DHRS12: variants seen among roughly 807,000 people sequenced by gnomAD.
DHRS12 encodes dehydrogenase/reductase SDR family member 12.
DHRS12 carries 29 observed loss-of-function variants against 32.1 expected under a neutral mutation model. That is an observed-to-expected ratio of 0.90 (90% CI 0.67 to 1.23). The LOEUF is 1.23. Ranked by LOEUF, DHRS12 falls within the 50% of genes most tolerant of loss-of-function variation. DHRS12 has a pLI of 0.00. For synonymous variants in DHRS12, 150 were observed against 135.9 expected, an observed-to-expected ratio of 1.10 and a Z score of -0.72; for missense variants, 330 against 337.2, an observed-to-expected ratio of 0.98 and a Z score of 0.17.
intron 8 of DHRS12, chr13:51,768,897 G>C (rs1405193570): frequency 1.5e-6 from 2 of 1,377,724 alleles, no homozygotes; most frequent in South Asian, 1.7e-5. Context: ...CCATTCCCAA[G>C]GTAGGAACTG....
the DHRS12 span, among the ~76,000 whole-genome samples, chr13:51,757,378 G>A: frequency 2.0e-5 from 3 of 151,952 alleles, no homozygotes; most frequent in Non-Finnish European, 4.4e-5. Context: ...TTACAGTTAA[G>A]CCTAAATCTT....
intron 1 of DHRS12, among the ~76,000 whole-genome samples, chr13:51,800,469 G>C (rs576786769): frequency 9.4e-4 from 143 of 152,358 alleles, no homozygotes; most frequent in African/African-American, 2.9e-3. Flanking sequence ...GGGTTGGCAG[G>C]TGGAGGCCCA....
At chr13:51,783,471 T>C (rs533190652) in intron 4 of DHRS12, among the ~76,000 whole-genome samples, 1 of 152,316 alleles carries the variant, frequency 6.6e-6, no homozygotes, top group East Asian at 1.9e-4. Flanking sequence ...TGATATAATA[T>C]ATATATAATG....
chr13:51,770,867 C>T, intron 7 of DHRS12: 2 of 1,113,278 alleles, frequency 1.8e-6, no homozygotes, highest in Non-Finnish European at 2.2e-6. Context: ...CAGCCCTGAA[C>T]AGATTTTGCA....
chr13:51,791,041 G>T (rs1379303248), intron 3 of DHRS12, 124 bp downstream of exon 3: 2 of 582,052 alleles, frequency 3.4e-6, no homozygotes, highest in Non-Finnish European at 5.7e-6. Flanking sequence ...ACAGGCCCAA[G>T]CATAAGAGAG....
rs1954763935 is a variant in DHRS12 at position 51,782,555 on chromosome 13, G to C, written c.302-5434C>G. 6.6e-6 allele frequency among the ~76,000 whole-genome samples: 1 copy of C among 152,172 alleles called. No homozygotes were observed. Among genetic ancestry groups the C allele is most frequent in the Non-Finnish European group, 1.5e-5 (1 of 68,028 alleles). On this transcript the variant is annotated intron_variant, in intron 4 of 8. Transcript: ENST00000444610. The surrounding 1 kb of genome is among the most constrained non-coding windows in gnomAD (Gnocchi z 4.2). ...AGCATGAGAGTGGCCAAAGGTCAGG[G>C]AGATAAGCCGACTGGAGTGAGCTGC...
chr13:51,756,683 C>A, the DHRS12 span: 2 of 978,736 alleles, frequency 2.0e-6, no homozygotes. Flanking sequence ...TCTCTGTGTT[C>A]TTTCTAATTT....
intron 4 of DHRS12, among the ~76,000 whole-genome samples, chr13:51,784,719 CCTGT>C (rs1276653545): frequency 1.3e-5 from 2 of 152,176 alleles, no homozygotes; most frequent in Non-Finnish European, 2.9e-5. Flanking sequence ...AAACGCGTGC[CCTGT>C]CTAAGGAAGC....
Position 51,769,316 on chromosome 13 carries a change from G to A in DHRS12, c.560-23C>T, listed in dbSNP as rs1953903837. The A allele has an allele frequency of 3.3e-6, 5 of 1,496,204 alleles. No individual in the cohort carries two copies. In the East Asian group the frequency reaches 7.3e-5, roughly 22 times the overall value. 92.7% of individuals were successfully genotyped at this position (1,496,204 alleles called of 1,614,324 possible). On this transcript the variant is annotated intron_variant, in intron 7 of 8. Transcript: ENST00000444610. ...CACCTGGGAGAAGGAAGGGTCAGGCGGATTAGGACAGCATTCTCCAGCAAA... is the reference window on the plus strand; with the variant it reads ...CACCTGGGAGAAGGAAGGGTCAGGCAGATTAGGACAGCATTCTCCAGCAAA...
intron 4 of DHRS12, among the ~76,000 whole-genome samples, chr13:51,784,078 G>A (rs185834615): frequency 1.4e-4 from 21 of 152,326 alleles, no homozygotes; most frequent in Non-Finnish European, 2.2e-4. Flanking sequence ...AAAGTAAGGC[G>A]TGGGGAGGTT....
chr13:51,781,219 A>G (rs1180370982), intron 4 of DHRS12, among the ~76,000 whole-genome samples: 1 of 152,246 alleles, frequency 6.6e-6, no homozygotes, highest in African/African-American at 2.4e-5. Flanking sequence ...ACAGAGTCCC[A>G]GAGGAAATGA....
intron 6 of DHRS12, among the ~76,000 whole-genome samples, chr13:51,773,335 G>A (rs1954130117): frequency 6.6e-6 from 1 of 152,158 alleles, no homozygotes; most frequent in Non-Finnish European, 1.5e-5. Flanking sequence ...ATAATGTTGT[G>A]CATGAAACAA....
chr13:51,769,184 G>A lies in DHRS12; in HGVS notation c.669C>T (p.Ala223=), dbSNP rs893393050. The A allele has an allele frequency of 4.5e-6, 7 of 1,555,242 alleles. No individual in the cohort carries two copies. The highest frequency in any genetic ancestry group is 1.4e-5 in the African/African-American group (1 of 73,348). The part of the protein sequence containing the change: ...MLWLALSSAA[A]AQPSGRFFQD... ...GAAAGAAGCGGCCGCTGGGCTGTGCGGCTGCGGCAGAGGAGAGGGCCAGCC... is the reference window on the plus strand; with the variant it reads ...GAAAGAAGCGGCCGCTGGGCTGTGCAGCTGCGGCAGAGGAGAGGGCCAGCC... Residue 223 remains alanine, a synonymous_variant, in exon 8 of 9, where the codon GCC becomes GCT. Transcript: ENST00000444610.
intron 4 of DHRS12, among the ~76,000 whole-genome samples, chr13:51,783,462 GATATA>G (rs1196944307): frequency 2.0e-5 from 3 of 152,120 alleles, no homozygotes; most frequent in Admixed American, 6.5e-5. Context: ...TTTTCTTGTT[GATATA>G]ATATATATAT....
chr13:51,776,716 C>A (rs1954425257), intron 5 of DHRS12, among the ~76,000 whole-genome samples: 1 of 152,190 alleles, frequency 6.6e-6, no homozygotes, highest in Admixed American at 6.5e-5. Context: ...CAGTCCCTTC[C>A]CCTCTGAGCA....
intron 2 of DHRS12, among the ~76,000 whole-genome samples, chr13:51,795,478 C>T (rs1190337077): frequency 1.3e-5 from 2 of 152,150 alleles, no homozygotes; most frequent in Admixed American, 6.5e-5. Context: ...CCTGAGCTTC[C>T]CATCTTGTAG....
chr13:51,765,883 A>AT (rs1953731319), downstream of DHRS12: 1 of 152,222 alleles, frequency 6.6e-6, no homozygotes. Context: ...CAAGTCAAGA[A>AT]GAGTATCTGA....
intron 4 of DHRS12, among the ~76,000 whole-genome samples, chr13:51,786,562 T>C (rs188442238): frequency 2.7e-4 from 41 of 152,312 alleles, no homozygotes; most frequent in African/African-American, 9.9e-4. Flanking sequence ...CAGCTCGCTT[T>C]TGTCCCTCAG....
At chr13:51,775,596 TGTATTCTCCTACA>T (rs770310848) in intron 5 of DHRS12, 75 of 5,544 alleles carry the variant, frequency 0.014, 3 homozygotes, top group South Asian at 0.037. Context: ...TTCTCCTACA[TGTATTCTCCTACA>T]GTATTCTCCT....
Sources: gnomAD v4.1 joint callset for allele counts (sites outside exome capture counted in the v4.1 genomes callset) on GRCh38, gnomAD v4.1.1 for gene constraint, Gnocchi (gnomAD v3.1) non-coding constraint, MANE v1.5 for transcripts, NCBI Gene and HGNC (gene_info 2026-07-23, HGNC 2026-07-21) for gene names.